The following SNX29 variants were observed in gnomAD, a reference collection of about 807,000 sequenced individuals.
SNX29 encodes sorting nexin-29.
In SNX29, 78 loss-of-function variants were observed where a neutral mutation model predicts 102.1. The observed-to-expected ratio is 0.76, with a 90% CI of 0.64 to 0.92. The LOEUF (loss-of-function observed/expected upper bound fraction) is 0.92. Among genes scored for constraint, SNX29 ranks in the 40% least tolerant of loss-of-function variants. SNX29 has a pLI of 0.00. For missense variants in SNX29, 1,280 were observed against 1,061.7 expected, an observed-to-expected ratio of 1.21 and a Z score of -2.86; for synonymous variants, 580 against 414.5, an observed-to-expected ratio of 1.40 and a Z score of -4.85.
chr16:12,213,421 G>A lies in SNX29; in HGVS notation c.1678+13738G>A, dbSNP rs548421829. 3.4e-4 allele frequency among the ~76,000 whole-genome samples: 52 copies of A among 152,196 alleles called. 1 individual carries two copies. Among genetic ancestry groups the A allele is most frequent in the African/African-American group, 1.1e-3 (47 of 41,540 alleles). ...GTACACTGAAAGCCCAGACTTTGCC[G>A]CTACACAGTTCATTCAAGTCACCAA... is the stretch of plus-strand genomic sequence containing the variant. On this transcript the variant is annotated intron_variant, in intron 14 of 20. Coordinates refer to ENST00000566228, the MANE Select transcript of SNX29 (RefSeq NM_032167.5).
At chr16:12,541,771 G>C (rs144661939) in intron 20 of SNX29, among the ~76,000 whole-genome samples, 158 of 152,164 alleles carry the variant, frequency 1.0e-3, no homozygotes, top group African/African-American at 3.7e-3. Flanking sequence ...ACTGACCTGC[G>C]TTTCCAACCC....
intron 14 of SNX29, among the ~76,000 whole-genome samples, chr16:12,270,115 C>T (rs1417356464): frequency 1.3e-5 from 2 of 152,142 alleles, no homozygotes; most frequent in East Asian, 3.8e-4. Flanking sequence ...CCCACCTTGG[C>T]CTCCCAAAGT....
intron 3 of SNX29, among the ~76,000 whole-genome samples, chr16:12,007,628 C>T (rs1006655240): frequency 7.9e-5 from 12 of 152,204 alleles, no homozygotes; most frequent in African/African-American, 2.9e-4. Context: ...ATAGCTGGCC[C>T]GGCCCTGGAG....
Position 12,560,592 on chromosome 16 carries a change from C to G in SNX29, c.2319-7914C>G, listed in dbSNP as rs144289652. On this transcript the variant is annotated intron_variant, in intron 20 of 20. Coordinates refer to ENST00000566228, the MANE Select transcript of SNX29 (RefSeq NM_032167.5). ...CCTTGGGGTCTGTCCATCTGTACCT[C>G]TCATAAAGCAGCAAGCAACAGCTGC... Among the ~76,000 whole-genome samples the G allele has an allele frequency of 2.0e-3, 311 of 152,320 alleles. 11 individuals are homozygous for G. In the East Asian group the frequency reaches 0.045, roughly 22 times the overall value.
intron 15 of SNX29, among the ~76,000 whole-genome samples, chr16:12,287,783 T>G (rs1009916382): frequency 7.9e-5 from 12 of 152,228 alleles, no homozygotes; most frequent in African/African-American, 2.9e-4. Flanking sequence ...TTCAGTGTCT[T>G]TTAATCCATA....
At chr16:12,262,722 C>G (rs1038532110) in intron 14 of SNX29, among the ~76,000 whole-genome samples, 3 of 152,210 alleles carry the variant, frequency 2.0e-5, no homozygotes, top group Admixed American at 6.5e-5. Context: ...CCTGCACTTT[C>G]TGTGCTCTGG....
chr16:12,554,532 G>C (rs192084390), intron 20 of SNX29, among the ~76,000 whole-genome samples: 1 of 152,222 alleles, frequency 6.6e-6, no homozygotes, highest in East Asian at 1.9e-4. Flanking sequence ...GAACATTCTC[G>C]CCCACGTTTT....
chr16:12,088,267 C>G (rs945334003), intron 11 of SNX29: 1 of 382,186 alleles, frequency 2.6e-6, no homozygotes, highest in Non-Finnish European at 5.2e-6. Context: ...ACCGGCTCTG[C>G]GGGGTCAGAG....
chr16:12,562,322 C>A (rs1019506325), intron 20 of SNX29, among the ~76,000 whole-genome samples: 3 of 152,186 alleles, frequency 2.0e-5, no homozygotes, highest in Non-Finnish European at 4.4e-5. Context: ...GTCCCAAGAA[C>A]CTGCAGGGCA....
At chr16:12,353,272 A>C (rs200783505) in intron 15 of SNX29, among the ~76,000 whole-genome samples, 2 of 152,100 alleles carry the variant, frequency 1.3e-5, no homozygotes, top group African/African-American at 4.8e-5. Flanking sequence ...TTGGTGTGGC[A>C]CATCATGGCC....
intron 18 of SNX29, among the ~76,000 whole-genome samples, chr16:12,444,705 C>T (rs533185165): frequency 3.3e-5 from 5 of 152,190 alleles, no homozygotes; most frequent in African/African-American, 1.2e-4. Context: ...ACAGGTCCTT[C>T]CCTCTGTCTC....
chr16:12,322,468 A>G (rs1029135497), intron 15 of SNX29, among the ~76,000 whole-genome samples: 2 of 152,228 alleles, frequency 1.3e-5, no homozygotes, highest in African/African-American at 2.4e-5. Context: ...TCCAATTGTT[A>G]AAAAGAATTG....
intron 19 of SNX29, among the ~76,000 whole-genome samples, chr16:12,514,991 G>T (rs1366091625): frequency 2.0e-5 from 3 of 152,180 alleles, no homozygotes; most frequent in Non-Finnish European, 2.9e-5. Flanking sequence ...GAGAATAAAT[G>T]AAATGATGCT....
At chr16:12,557,025 C>T (rs1169580012) in intron 20 of SNX29, among the ~76,000 whole-genome samples, 1 of 20,392 alleles carries the variant, frequency 4.9e-5, no homozygotes, top group Non-Finnish European at 1.6e-4. Flanking sequence ...ACCCCCCCCC[C>T]GCCCCAAGAT....
chr16:12,090,631 C>A (rs1299831922), intron 11 of SNX29, among the ~76,000 whole-genome samples: 3 of 152,188 alleles, frequency 2.0e-5, no homozygotes, highest in African/African-American at 7.2e-5. Flanking sequence ...TGGTTTCTCT[C>A]CAGATGGCCT....
chr16:12,566,987 C>T (rs1188696497), intron 20 of SNX29, among the ~76,000 whole-genome samples: 1 of 152,218 alleles, frequency 6.6e-6, no homozygotes, highest in Non-Finnish European at 1.5e-5. Context: ...GGCCATGTCC[C>T]TGGAAAGGTG....
At chr16:12,371,924 C>G (rs1312943054) in intron 16 of SNX29, among the ~76,000 whole-genome samples, 1 of 152,084 alleles carries the variant, frequency 6.6e-6, no homozygotes, top group Non-Finnish European at 1.5e-5. Flanking sequence ...TTCCATCGCT[C>G]TGCATTTTCA....
chr16:12,277,583 A>T (rs1226565643), intron 14 of SNX29, among the ~76,000 whole-genome samples: 1 of 151,164 alleles, frequency 6.6e-6, no homozygotes, highest in Non-Finnish European at 1.5e-5. Context: ...ATCGCTTTTT[A>T]TTTTTTTAAG....
intron 20 of SNX29, among the ~76,000 whole-genome samples, chr16:12,552,486 C>T (rs1056209577): frequency 3.9e-5 from 6 of 152,176 alleles, no homozygotes; most frequent in Admixed American, 1.3e-4. Context: ...GATTGGGCCT[C>T]AGGAATCTTG....
Sources: gnomAD v4.1 joint callset for allele counts (sites outside exome capture counted in the v4.1 genomes callset) on GRCh38, gnomAD v4.1.1 for gene constraint, MANE v1.5 for transcripts, NCBI Gene and HGNC (gene_info 2026-07-23, HGNC 2026-07-21) for gene names.